Variants in ASTN2 observed in about 807,000 individuals in gnomAD.
The protein encoded by ASTN2 is astrotactin-2.
ASTN2 carries 54 observed loss-of-function variants against 139.8 expected under a neutral mutation model. The ratio of observed to expected loss-of-function variants is 0.39; its 90% CI spans 0.31 to 0.48. The LOEUF is 0.48. Ranked by LOEUF, ASTN2 falls within the 20% of genes least tolerant of loss-of-function variation. The probability of loss-of-function intolerance (pLI) is 0.95; values close to 1 mark genes in which losing one functional copy is unlikely to be tolerated. For missense variants in ASTN2, 1,565 were observed against 1,725.1 expected (o/e 0.91, Z 1.64); for synonymous variants, 756 against 719.5 (o/e 1.05, Z -0.81).
chr9:116,765,760 A>C (rs1361952048), intron 13 of ASTN2, among the ~76,000 whole-genome samples: 1 of 152,164 alleles, frequency 6.6e-6, no homozygotes, highest in Admixed American at 6.5e-5. Context: ...ACAAGTGTAC[A>C]CTGTACCATC....
intron 14 of ASTN2, among the ~76,000 whole-genome samples, chr9:116,730,792 A>T (rs529558219): frequency 6.6e-6 from 1 of 152,226 alleles, no homozygotes; most frequent in African/African-American, 2.4e-5. Context: ...CATAAAAACA[A>T]AACAAATTTA....
At chr9:117,329,934 T>C (rs1828647287) in intron 1 of ASTN2, among the ~76,000 whole-genome samples, 1 of 152,176 alleles carries the variant, frequency 6.6e-6, no homozygotes, top group Non-Finnish European at 1.5e-5. Context: ...AACTGCCCCA[T>C]GAAATGGGAA....
intron 19 of ASTN2, among the ~76,000 whole-genome samples, chr9:116,513,934 G>C (rs540358232): frequency 6.6e-6 from 1 of 151,664 alleles, no homozygotes; most frequent in Middle Eastern, 3.2e-3. Context: ...TCTTCTTTGC[G>C]ATGGGTTCGA....
intron 3 of ASTN2, among the ~76,000 whole-genome samples, chr9:117,207,627 G>A (rs1018008653): frequency 5.3e-5 from 8 of 151,942 alleles, no homozygotes; most frequent in African/African-American, 1.9e-4. Context: ...CAGCTGAAAA[G>A]CTATACTCCC....
At chr9:116,463,911 T>TTTTTG (rs1159499572) in intron 20 of ASTN2, among the ~76,000 whole-genome samples, 2 of 148,332 alleles carry the variant, frequency 1.3e-5, no homozygotes, top group Non-Finnish European at 3.0e-5. Flanking sequence ...GTTTTGTGTT[T>TTTTTG]TTTTTTTTTT....
chr9:116,833,801 C>T (rs764234631), intron 11 of ASTN2, among the ~76,000 whole-genome samples: 1 of 152,108 alleles, frequency 6.6e-6, no homozygotes, highest in Non-Finnish European at 1.5e-5. Context: ...CCTAACCCAC[C>T]TGCAAAGTGA....
intron 13 of ASTN2, among the ~76,000 whole-genome samples, chr9:116,802,285 A>T (rs981352164): frequency 6.6e-6 from 1 of 151,888 alleles, no homozygotes; most frequent in Non-Finnish European, 1.5e-5. Flanking sequence ...ACAGCATTTC[A>T]TCATGTTAGC....
Position 116,889,129 on chromosome 9 carries a change from C to T in ASTN2, c.1890-25396G>A, listed in dbSNP as rs965426263. 2.4e-4 allele frequency among the ~76,000 whole-genome samples: 37 copies of T among 152,208 alleles called. 1 individual carries two copies. The highest frequency in any genetic ancestry group is 8.7e-4 in the African/African-American group (36 of 41,522). ...GAACTCCTGGCCTCAACTGATCCAC[C>T]AGACTTGGCCTCCCAAAGTGCTGGG... On this transcript the variant is annotated intron_variant, in intron 10 of 22. Transcript: ENST00000313400.
intron 3 of ASTN2, among the ~76,000 whole-genome samples, chr9:117,207,059 T>C (rs1831951078): frequency 6.6e-6 from 1 of 152,146 alleles, no homozygotes; most frequent in Admixed American, 6.5e-5. Context: ...CAGCCACTCC[T>C]TGTGGACATT....
At chr9:116,925,278 G>A (rs1834722660) in intron 10 of ASTN2, among the ~76,000 whole-genome samples, 2 of 152,108 alleles carry the variant, frequency 1.3e-5, no homozygotes, top group Non-Finnish European at 2.9e-5. Flanking sequence ...TATGTGCTAG[G>A]CATTCTATTA....
chr9:117,056,177 T>C (rs1268998523), intron 5 of ASTN2, among the ~76,000 whole-genome samples: 3 of 152,222 alleles, frequency 2.0e-5, no homozygotes, highest in African/African-American at 7.2e-5. Flanking sequence ...GCTGGGGGAC[T>C]GATGATATTG....
chr9:117,274,852 T>C (rs1834148311), intron 2 of ASTN2, among the ~76,000 whole-genome samples: 1 of 152,196 alleles, frequency 6.6e-6, no homozygotes, highest in Admixed American at 6.5e-5. Flanking sequence ...AACTCACTCT[T>C]ATAACCCCAG....
chr9:117,396,349 CTAT>C (rs1830676255), intron 1 of ASTN2, among the ~76,000 whole-genome samples: 1 of 152,188 alleles, frequency 6.6e-6, no homozygotes, highest in Non-Finnish European at 1.5e-5. Flanking sequence ...GCCTCCCCAG[CTAT>C]GAATGCTTAC....
chr9:116,621,569 T>A (rs1387327701), intron 17 of ASTN2, among the ~76,000 whole-genome samples: 1 of 152,030 alleles, frequency 6.6e-6, no homozygotes, highest in Non-Finnish European at 1.5e-5. Context: ...CTAACTTTCT[T>A]AAGTCTAGAA....
At chr9:116,824,895 G>C (rs1439197451) in intron 11 of ASTN2, among the ~76,000 whole-genome samples, 2 of 152,098 alleles carry the variant, frequency 1.3e-5, no homozygotes, top group Non-Finnish European at 2.9e-5. Context: ...AAAAAAGTAT[G>C]GTAAAATTTG....
At chr9:116,515,206 C>T (rs1423627040) in intron 19 of ASTN2, among the ~76,000 whole-genome samples, 1 of 152,126 alleles carries the variant, frequency 6.6e-6, no homozygotes, top group Non-Finnish European at 1.5e-5. Context: ...TAATATGAAT[C>T]CTAGCTTTCC....
intron 10 of ASTN2, among the ~76,000 whole-genome samples, chr9:116,916,043 A>G (rs955823807): frequency 2.0e-5 from 3 of 152,182 alleles, no homozygotes; most frequent in Non-Finnish European, 4.4e-5. Flanking sequence ...ACTGAATTAA[A>G]TTGCAGGACA....
At chr9:116,999,548 C>CTTTTTTTTTTTTTTTTTTT (rs71379248) in intron 7 of ASTN2, among the ~76,000 whole-genome samples, 6 of 94,912 alleles carry the variant, frequency 6.3e-5, no homozygotes, top group Non-Finnish European at 7.8e-5. Context: ...TTCTCTCTTT[C>CTTTTTTTTTTTTTTTTTTT]TTTTTTTTTT....
At chr9:116,834,058 A>G (rs115833510) in intron 11 of ASTN2, among the ~76,000 whole-genome samples, 2,534 of 152,300 alleles carry the variant, frequency 0.017, 80 homozygotes, top group African/African-American at 0.057. Flanking sequence ...CAAAGCACCC[A>G]ATTTATGTTA....
Sources: gnomAD v4.1 joint callset for allele counts (sites outside exome capture counted in the v4.1 genomes callset) on GRCh38, gnomAD v4.1.1 for gene constraint, MANE v1.5 for transcripts, NCBI Gene and HGNC (gene_info 2026-07-23, HGNC 2026-07-21) for gene names.